KALRN: variants seen among roughly 807,000 people sequenced by gnomAD.
KALRN encodes kalirin RhoGEF kinase.
Under a neutral mutation model 353.7 loss-of-function variants are expected in KALRN, and 70 were observed. The ratio of observed to expected loss-of-function variants is 0.20; its 90% confidence interval spans 0.16 to 0.24. KALRN has a LOEUF of 0.24. KALRN is among the 10% of genes least tolerant of loss of function. KALRN has a pLI of 1.00. For missense variants in KALRN, 2,791 were observed against 3,756.7 expected, an observed-to-expected ratio of 0.74 and a Z score of 6.72; for synonymous variants, 1,391 against 1,434.8, an observed-to-expected ratio of 0.97 and a Z score of 0.69.
At chr3:124,326,745 G>T (rs958326843) in intron 7 of KALRN, among the ~76,000 whole-genome samples, 1 of 152,222 alleles carries the variant, frequency 6.6e-6, no homozygotes, top group Non-Finnish European at 1.5e-5. Context: ...CCCATGATGT[G>T]TTGGAGCCTG....
intron 34 of KALRN, among the ~76,000 whole-genome samples, chr3:124,602,332 T>C (rs1350380548): frequency 4.6e-5 from 7 of 152,150 alleles, no homozygotes; most frequent in Non-Finnish European, 1.5e-5. Flanking sequence ...GAGTGAAATA[T>C]TTCTCTTATT....
intron 1 of KALRN, chr3:124,152,529 CTTTTCT>C (rs1358155527): frequency 3.1e-5 from 22 of 698,928 alleles, no homozygotes; most frequent in Middle Eastern, 3.8e-4. Context: ...TGTTACAGTG[CTTTTCT>C]TTTTCTTTTT....
intron 6 of KALRN, among the ~76,000 whole-genome samples, chr3:124,311,139 C>G (rs1029463446): frequency 3.0e-5 from 4 of 135,314 alleles, no homozygotes; most frequent in Admixed American, 8.2e-5. Context: ...TACTTCTTCC[C>G]CACTAGAATG....
At position 124,149,465 on chromosome 3, in the gene KALRN, C is replaced by G. The variant is rs906451233; in HGVS notation, c.74-78525C>G. Among the ~76,000 whole-genome samples, 3 of 152,294 alleles carry G rather than the reference C, an allele frequency of 2.0e-5. No homozygotes were observed. In the East Asian group the frequency reaches 5.8e-4, roughly 29 times the overall value. On this transcript the variant is annotated intron_variant, in intron 1 of 59. Transcript: ENST00000682506. ...GGCACAGCTTCCAGCTTGCCTGCTGCCCAGTGTCTAATAATCCTAGCTTAA... is the reference window on the plus strand; with the variant it reads ...GGCACAGCTTCCAGCTTGCCTGCTGGCCAGTGTCTAATAATCCTAGCTTAA...
intron 1 of KALRN, among the ~76,000 whole-genome samples, chr3:124,154,337 G>T (rs1235912357): frequency 6.6e-6 from 1 of 152,168 alleles, no homozygotes; most frequent in Non-Finnish European, 1.5e-5. Context: ...GTTTGCAGAT[G>T]ACATGATTGT....
chr3:124,063,629 C>A (rs138347475), intron 1 of KALRN, among the ~76,000 whole-genome samples: 86 of 152,314 alleles, frequency 5.6e-4, no homozygotes, highest in Non-Finnish European at 1.1e-3. Flanking sequence ...ATTTTGGAAG[C>A]AAGAAAGCCC....
intron 21 of KALRN, among the ~76,000 whole-genome samples, chr3:124,452,691 G>T (rs1205477204): frequency 6.6e-6 from 1 of 152,030 alleles, no homozygotes; most frequent in East Asian, 1.9e-4. Context: ...GGAAGGGCGT[G>T]TCTACACTTC....
intron 1 of KALRN, chr3:124,099,253 A>C (rs566448239): frequency 1.1e-4 from 16 of 152,332 alleles, no homozygotes; most frequent in African/African-American, 3.8e-4. Flanking sequence ...CTATCATTGT[A>C]CTGTTTACAC....
intron 33 of KALRN, among the ~76,000 whole-genome samples, chr3:124,505,957 G>T (rs964019128): frequency 6.6e-6 from 1 of 152,152 alleles, no homozygotes; most frequent in Non-Finnish European, 1.5e-5. Flanking sequence ...ATCACTTCTG[G>T]TGACTACTGC....
chr3:124,606,657 G>T (rs1455919637), intron 34 of KALRN, among the ~76,000 whole-genome samples: 1 of 152,126 alleles, frequency 6.6e-6, no homozygotes, highest in African/African-American at 2.4e-5. Flanking sequence ...AAGGATTTCA[G>T]GCAAATGTAA....
intron 1 of KALRN, among the ~76,000 whole-genome samples, chr3:124,100,765 A>G: frequency 6.6e-6 from 1 of 152,218 alleles, no homozygotes; most frequent in East Asian, 1.9e-4. Context: ...GTATGCTAGA[A>G]TCATCTGGGA....
intron 45 of KALRN, among the ~76,000 whole-genome samples, chr3:124,663,121 A>G (rs1009223801): frequency 2.0e-5 from 3 of 151,852 alleles, no homozygotes; most frequent in Non-Finnish European, 2.9e-5. Context: ...AATTTTTTGT[A>G]TTTTTAGTAG....
chr3:124,693,107 T>C (rs2061897863), intron 51 of KALRN, among the ~76,000 whole-genome samples: 1 of 152,194 alleles, frequency 6.6e-6, no homozygotes, highest in African/African-American at 2.4e-5. Context: ...CTTAGTCACT[T>C]AGTATTCATT....
intron 1 of KALRN, among the ~76,000 whole-genome samples, chr3:124,186,902 C>T (rs1579122774): frequency 6.6e-6 from 1 of 151,976 alleles, no homozygotes; most frequent in African/African-American, 2.4e-5. Context: ...CACTTGTTTG[C>T]CAGTTGGGAG....
At chr3:124,210,172 G>T (rs983309677) in intron 1 of KALRN, among the ~76,000 whole-genome samples, 1 of 152,236 alleles carries the variant, frequency 6.6e-6, no homozygotes, top group South Asian at 2.1e-4. Flanking sequence ...ATTTCACAGG[G>T]TTGTTTTAGA....
At chr3:124,698,374 T>C (rs1034737282) in intron 55 of KALRN, among the ~76,000 whole-genome samples, 2 of 152,238 alleles carry the variant, frequency 1.3e-5, no homozygotes, top group African/African-American at 4.8e-5. Flanking sequence ...TTCCTTGTTG[T>C]GTCTTCCAAC....
At chr3:124,213,507 A>G (rs1000151114) in intron 1 of KALRN, among the ~76,000 whole-genome samples, 1 of 152,078 alleles carries the variant, frequency 6.6e-6, no homozygotes, top group African/African-American at 2.4e-5. Context: ...TATCTTTTTT[A>G]AAAAAAGTTT....
At chr3:124,152,117 T>C in intron 1 of KALRN, 1 of 1,279,672 alleles carries the variant, frequency 7.8e-7, no homozygotes, top group East Asian at 2.3e-5. Flanking sequence ...TTTTCCAACA[T>C]TATAGATCTC....
intron 51 of KALRN, among the ~76,000 whole-genome samples, chr3:124,691,442 A>T (rs146008723): frequency 5.9e-5 from 9 of 152,330 alleles, no homozygotes; most frequent in East Asian, 1.9e-4. Context: ...ATAAATAAAT[A>T]AATTAAATAA....
Sources: allele counts gnomAD v4.1 joint callset (sites outside exome capture counted in the v4.1 genomes callset), GRCh38; gene constraint gnomAD v4.1.1; transcripts MANE v1.5; gene names NCBI Gene and HGNC (gene_info 2026-07-23, HGNC 2026-07-21).